Variants in COMMD10 observed in about 807,000 individuals in gnomAD.
COMMD10 encodes COMM domain-containing protein 10.
In COMMD10, 33 loss-of-function variants were observed where a neutral mutation model predicts 28.9. The ratio of observed to expected loss-of-function variants is 1.14; its 90% CI spans 0.87 to 1.53. COMMD10 has a LOEUF of 1.53. COMMD10 is among the 40% of genes most tolerant of loss of function. COMMD10 has a pLI of 0.00. For synonymous variants in COMMD10, 110 were observed against 81.7 expected, an observed-to-expected ratio of 1.35 and a Z score of -1.87; for missense variants, 310 against 233.4, an observed-to-expected ratio of 1.33 and a Z score of -2.14.
chr5:116,223,958 A>T (rs947005951), intron 5 of COMMD10, among the ~76,000 whole-genome samples: 2 of 152,168 alleles, frequency 1.3e-5, no homozygotes, highest in Non-Finnish European at 1.5e-5. Flanking sequence ...AAATTTTTTT[A>T]AAAGTAATGC....
At chr5:116,217,238 A>G (rs1164402082) in intron 5 of COMMD10, among the ~76,000 whole-genome samples, 1 of 151,742 alleles carries the variant, frequency 6.6e-6, no homozygotes, top group African/African-American at 2.4e-5. Flanking sequence ...TTTATTAAAG[A>G]TACTTTCCAT....
chr5:116,199,114 A>G (rs550377525), intron 5 of COMMD10, among the ~76,000 whole-genome samples: 116 of 152,230 alleles, frequency 7.6e-4, no homozygotes, highest in Non-Finnish European at 1.4e-3. Context: ...TATCCTCACC[A>G]TCATTTGGTG....
At chr5:116,281,018 T>C (rs966213340) in intron 5 of COMMD10, among the ~76,000 whole-genome samples, 1 of 151,928 alleles carries the variant, frequency 6.6e-6, no homozygotes, top group Non-Finnish European at 1.5e-5. Flanking sequence ...CTATTTCTTT[T>C]ACTGAAATAT....
chr5:116,189,642 T>C (rs964530681), intron 5 of COMMD10, among the ~76,000 whole-genome samples: 1 of 152,322 alleles, frequency 6.6e-6, no homozygotes, highest in African/African-American at 2.4e-5. Flanking sequence ...TGTTTGGCAA[T>C]ATCTTATTAT....
At chr5:116,280,358 C>T (rs956562039) in intron 5 of COMMD10, among the ~76,000 whole-genome samples, 11 of 151,782 alleles carry the variant, frequency 7.2e-5, no homozygotes, top group Admixed American at 2.0e-4. Flanking sequence ...GCCCTTTGAG[C>T]CAGAGCTGGT....
At chr5:116,220,420 T>C (rs1394935194) in intron 5 of COMMD10, among the ~76,000 whole-genome samples, 5 of 151,578 alleles carry the variant, frequency 3.3e-5, no homozygotes, top group African/African-American at 1.2e-4. Flanking sequence ...TGTAATTCTT[T>C]CATTCCATTT....
chr5:116,265,412 G>A (rs569606686), intron 5 of COMMD10, among the ~76,000 whole-genome samples: 1 of 151,786 alleles, frequency 6.6e-6, no homozygotes, highest in South Asian at 2.1e-4. Flanking sequence ...AAGCAGTGAT[G>A]TTACACACTT....
intron 5 of COMMD10, among the ~76,000 whole-genome samples, chr5:116,231,005 G>T (rs1466806763): frequency 6.6e-6 from 1 of 151,080 alleles, no homozygotes; most frequent in East Asian, 1.9e-4. Context: ...CTAGCCTCTG[G>T]CTCCTCTTTT....
At position 116,115,462 on chromosome 5, in the gene COMMD10, C is replaced by G. The variant is rs556064163; in HGVS notation, c.400-18606C>G. Among the ~76,000 whole-genome samples the G allele has an allele frequency of 1.1e-4, 17 of 152,256 alleles. 1 individual carries two copies. In the South Asian group the frequency reaches 2.3e-3, roughly 20 times the overall value. On this transcript the variant is annotated intron_variant, in intron 4 of 6. Coordinates refer to ENST00000274458, the MANE Select transcript of COMMD10 (RefSeq NM_016144.4). ...TTACATTATAAGTGTGACTTTAACA[C>G]TTTATCTTAACCTCTTTGGAGACTT... is the stretch of plus-strand genomic sequence containing the variant.
rs148296024 is a variant in COMMD10 at position 116,266,553 on chromosome 5, A to G, written c.511-24964A>G. 2.0e-3 allele frequency among the ~76,000 whole-genome samples: 310 copies of G among 151,966 alleles called. 7 individuals carry two copies. The highest frequency in any genetic ancestry group is 7.1e-3 in the African/African-American group (295 of 41,328). On this transcript the variant is annotated intron_variant, in intron 5 of 6. Transcript: ENST00000274458. ...CCTACTTTCTACAGGAACTACTTCTATTACACTCTTTAATTTAAATCTCTT... is the reference window on the plus strand; with the variant it reads ...CCTACTTTCTACAGGAACTACTTCTGTTACACTCTTTAATTTAAATCTCTT...
intron 5 of COMMD10, among the ~76,000 whole-genome samples, chr5:116,238,599 C>A (rs1302581953): frequency 6.6e-6 from 1 of 152,140 alleles, no homozygotes; most frequent in Non-Finnish European, 1.5e-5. Flanking sequence ...CAACATTTTA[C>A]AATTGGTTTT....
Position 116,085,043 on chromosome 5 carries a change from A to C in COMMD10, c.-10A>C. The C allele has an allele frequency of 6.2e-7, 1 of 1,606,860 alleles. No individual in the cohort carries two copies. Among genetic ancestry groups the C allele is most frequent in the Non-Finnish European group, 8.5e-7 (1 of 1,178,124 alleles). ...AGCTAACAGACGGCGGCAGTGCGAGAAAGCCGAAGATGGCGGTCCCCGCGG... is the reference window on the plus strand; with the variant it reads ...AGCTAACAGACGGCGGCAGTGCGAGCAAGCCGAAGATGGCGGTCCCCGCGG... On this transcript the variant is annotated 5_prime_UTR_variant, in exon 1 of 7. Transcript: ENST00000274458.
chr5:116,280,545 A>G (rs943398126), intron 5 of COMMD10, among the ~76,000 whole-genome samples: 1 of 151,858 alleles, frequency 6.6e-6, no homozygotes, highest in African/African-American at 2.4e-5. Context: ...TTAAACGTCT[A>G]TTCCTTGCCA....
At chr5:116,116,871 T>C (rs1353484243) in intron 4 of COMMD10, among the ~76,000 whole-genome samples, 1 of 152,212 alleles carries the variant, frequency 6.6e-6, no homozygotes, top group African/African-American at 2.4e-5. Context: ...ATTTAATTGT[T>C]CAGTCTGATG....
At chr5:116,190,016 GTGA>G (rs760362011) in intron 5 of COMMD10, among the ~76,000 whole-genome samples, 1 of 152,140 alleles carries the variant, frequency 6.6e-6, no homozygotes, top group Non-Finnish European at 1.5e-5. Flanking sequence ...GGTGATGTAT[GTGA>G]CCTATGCCTA....
rs1017114526 is a variant in COMMD10, at chr5:116,160,713, A to G, written c.510+26535A>G. On this transcript the variant is annotated intron_variant, in intron 5 of 6. Coordinates refer to ENST00000274458, the MANE Select transcript of COMMD10 (RefSeq NM_016144.4). The stretch of plus-strand genomic sequence containing the variant: ...TAAAGCCTGTATAATTTTCTTGGTC[A>G]TCAGAACCTTGGCATATAAAAATTT... Among the ~76,000 whole-genome samples the G allele has an allele frequency of 3.3e-5, 5 of 152,206 alleles. No individual in the cohort carries two copies. The East Asian group carries it at 9.6e-4, about 29-fold the overall frequency.
At chr5:116,248,245 A>T (rs1428527103) in intron 5 of COMMD10, among the ~76,000 whole-genome samples, 1 of 151,988 alleles carries the variant, frequency 6.6e-6, no homozygotes, top group Non-Finnish European at 1.5e-5. Flanking sequence ...TCTCTTAATT[A>T]CAATTTAGGA....
intron 5 of COMMD10, among the ~76,000 whole-genome samples, chr5:116,201,530 A>T (rs1026536435): frequency 4.6e-5 from 7 of 152,128 alleles, no homozygotes; most frequent in African/African-American, 1.7e-4. Context: ...CTGTATTTAC[A>T]TCTGTCTCTC....
At chr5:116,090,454 C>T (rs1376465442) in intron 2 of COMMD10, among the ~76,000 whole-genome samples, 2 of 152,138 alleles carry the variant, frequency 1.3e-5, no homozygotes, top group Non-Finnish European at 2.9e-5. Flanking sequence ...ACATTTGTGG[C>T]CTTTGCACTT....
Sources: allele counts gnomAD v4.1 joint callset (sites outside exome capture counted in the v4.1 genomes callset), GRCh38; gene constraint gnomAD v4.1.1; transcripts MANE v1.5; gene names NCBI Gene and HGNC (gene_info 2026-07-23, HGNC 2026-07-21).